The following PCDHGC3 variants were observed in gnomAD, a reference collection of about 807,000 sequenced individuals.
PCDHGC3 encodes protocadherin gamma-C3.
A neutral mutation model predicts 59.2 loss-of-function variants in PCDHGC3; 26 were observed. That is an observed-to-expected ratio of 0.44 (90% CI 0.32 to 0.61). PCDHGC3 has a LOEUF of 0.61. Among genes scored for constraint, PCDHGC3 ranks in the 20% least tolerant of loss-of-function variants. The pLI, the probability that PCDHGC3 is intolerant of heterozygous loss-of-function variation, is 0.05. For synonymous variants in PCDHGC3, 487 were observed against 519.7 expected (o/e 0.94, Z 0.86); for missense variants, 1,080 against 1,221.8 (o/e 0.88, Z 1.73).
rs2099746025 is a variant in PCDHGC3 at position 141,493,066 on chromosome 5, T to C, written c.2431-1741T>C. On this transcript the variant is annotated intron_variant, in intron 1 of 3. Coordinates refer to ENST00000308177, the MANE Select transcript of PCDHGC3 (RefSeq NM_002588.4). This position sits in a 1 kb window ranked among gnomAD's most constrained non-coding sequence, Gnocchi z 4.3. ...AACTACAATAGTAAAAAACACAAGT[T>C]TCTCCAACTCCAGGAGCTTTTATTC... Among the ~76,000 whole-genome samples the C allele has an allele frequency of 6.6e-6, 1 of 152,202 alleles. No homozygotes were observed. Among genetic ancestry groups the C allele is most frequent in the East Asian group, 1.9e-4 (1 of 5,194 alleles).
In PCDHGC3 at chr5:141,485,318, G is replaced by A. The variant is rs1318256454; in HGVS notation, c.2430+6772G>A. On this transcript the variant is annotated intron_variant, in intron 1 of 3. Transcript: ENST00000308177. The surrounding 1 kb of genome is among the most constrained non-coding windows in gnomAD (Gnocchi z 5.7). ...GGAAGGGACTTTTGTAGGGAATGTC[G>A]CTCAAGATTTCCTGCTGGATACGGA... 3 of 1,614,142 alleles carry A rather than the reference G, an allele frequency of 1.9e-6. No homozygotes were observed. The highest frequency in any genetic ancestry group is 2.5e-6 in the Non-Finnish European group (3 of 1,180,006).
intron 1 of PCDHGC3, among the ~76,000 whole-genome samples, chr5:141,492,949 A>G (rs1470301496): frequency 6.6e-6 from 1 of 152,226 alleles, no homozygotes; most frequent in African/African-American, 2.4e-5. Flanking sequence ...GGAGGTGACC[A>G]AACTATCTGA....
chr5:141,494,924 TGGGAGGAGATGGGGGAG>T, intron 2 of PCDHGC3, 59 bp downstream of exon 2: 1 of 1,613,498 alleles, frequency 6.2e-7, no homozygotes, highest in Admixed American at 1.7e-5. Flanking sequence ...AGGGATGACG[TGGGAGGAGATGGGGGAG>T]GGCCCAGCAT....
rs753473913 is a variant in PCDHGC3 at position 141,503,323 on chromosome 5, G to A, written c.2490-2070G>A. On this transcript the variant is annotated intron_variant, in intron 2 of 3. Transcript: ENST00000308177. The stretch of plus-strand genomic sequence containing the variant: ...CTCAAGAAAGAATTGTTGGAGGGGC[G>A]CGGTGGCTCACGCCTGTAATTCCAG... Among the ~76,000 whole-genome samples the A allele has an allele frequency of 2.0e-5, 3 of 152,214 alleles. No individual in the cohort carries two copies. In the Middle Eastern group the frequency reaches 0.01, roughly 518 times the overall value.
chr5:141,483,661 T>TGTGTGA (rs1357903548), intron 1 of PCDHGC3, among the ~76,000 whole-genome samples: 7 of 152,042 alleles, frequency 4.6e-5, no homozygotes, highest in African/African-American at 1.7e-4. Context: ...TGTGTGTGTG[T>TGTGTGA]GTGTGTGTAA....
rs1236074950 is a variant in PCDHGC3 at position 141,489,119 on chromosome 5, C to G, written c.2431-5688C>G. On this transcript the variant is annotated intron_variant, in intron 1 of 3. Transcript: ENST00000308177. This position sits in a 1 kb window ranked among gnomAD's most constrained non-coding sequence, Gnocchi z 4.5. ...GAACTGCTGCAAGCAGGCAAACCTC[C>G]GAGCAGTTTTTAAGAGGCTGGAAGG... The G allele has an allele frequency of 1.5e-6, 1 of 650,358 alleles. No individual in the cohort carries two copies. Among genetic ancestry groups the G allele is most frequent in the Non-Finnish European group, 2.5e-6 (1 of 400,690 alleles). The allele number at this position is 650,358 out of a possible 1,614,324, so 40.3% of individuals were successfully genotyped here. A position where few individuals can be genotyped will look rare whatever the true frequency, so the allele number is the denominator to read the frequency against.
intron 1 of PCDHGC3, among the ~76,000 whole-genome samples, chr5:141,481,655 T>A (rs933683728): frequency 1.3e-5 from 2 of 152,054 alleles, no homozygotes; most frequent in African/African-American, 4.8e-5. Flanking sequence ...TCATCTCTAC[T>A]AATAATACAA....
chr5:141,488,210 A>G (rs2099673009), intron 1 of PCDHGC3, among the ~76,000 whole-genome samples: 1 of 152,192 alleles, frequency 6.6e-6, no homozygotes, highest in Admixed American at 6.5e-5. Context: ...ACTCATATCA[A>G]GTCCCTACTG....
chr5:141,491,199 C>T lies in PCDHGC3; in HGVS notation c.2431-3608C>T. ...TGGTCCTGGTGAGGGACAATGGTGA[C>T]CCTTCACTCTCCTCCACAGCCACAG... On this transcript the variant is annotated intron_variant, in intron 1 of 3. Coordinates refer to ENST00000308177, the MANE Select transcript of PCDHGC3 (RefSeq NM_002588.4). The surrounding 1 kb of genome is among the most constrained non-coding windows in gnomAD (Gnocchi z 6.9). 1 of 1,614,190 alleles carries T rather than the reference C, an allele frequency of 6.2e-7. No homozygotes were observed. Among genetic ancestry groups the T allele is most frequent in the South Asian group, 1.1e-5 (1 of 91,086 alleles).
chr5:141,507,525 A>T (rs1053801558), intron 3 of PCDHGC3, among the ~76,000 whole-genome samples: 1 of 152,000 alleles, frequency 6.6e-6, no homozygotes, highest in Non-Finnish European at 1.5e-5. Context: ...ATGATTCCAG[A>T]GAGGCCAGAG....
chr5:141,487,616 G>A lies in PCDHGC3; in HGVS notation c.2431-7191G>A. On this transcript the variant is annotated intron_variant, in intron 1 of 3. Transcript: ENST00000308177. This position sits in a 1 kb window ranked among gnomAD's most constrained non-coding sequence, Gnocchi z 5.0. ...CTCTGATCTTCTCTATGGGCTAGAG[G>A]TGAGACCTTTGCAGGCTCAACAAAT... 2 of 1,614,220 alleles carry A rather than the reference G, an allele frequency of 1.2e-6. No homozygotes were observed. The highest frequency in any genetic ancestry group is 1.7e-6 in the Non-Finnish European group (2 of 1,180,044).
chr5:141,495,449 GCT>G (rs560850951), intron 2 of PCDHGC3, among the ~76,000 whole-genome samples: 3 of 152,194 alleles, frequency 2.0e-5, no homozygotes, highest in Non-Finnish European at 2.9e-5. Flanking sequence ...TACTTGTCCT[GCT>G]CTCTGTCTGT....
rs760575047 is a variant in PCDHGC3 at position 141,493,887 on chromosome 5, G to A, written c.2431-920G>A. Among the ~76,000 whole-genome samples the A allele has an allele frequency of 1.3e-5, 2 of 152,184 alleles. No individual in the cohort carries two copies. The highest frequency in any genetic ancestry group is 2.4e-5 in the African/African-American group (1 of 41,448). On this transcript the variant is annotated intron_variant, in intron 1 of 3. Coordinates refer to ENST00000308177, the MANE Select transcript of PCDHGC3 (RefSeq NM_002588.4). The surrounding 1 kb of genome is among the most constrained non-coding windows in gnomAD (Gnocchi z 4.3). Reference sequence around the variant, plus strand: ...AGAACCAGTGAGGAGGTGGCTCTAGGAGTGCTCCATGAGAGTGTGTGATGG... The same window carrying A: ...AGAACCAGTGAGGAGGTGGCTCTAGAAGTGCTCCATGAGAGTGTGTGATGG...
Position 141,485,844 on chromosome 5 carries a change from G to T in PCDHGC3, c.2430+7298G>T. On this transcript the variant is annotated intron_variant, in intron 1 of 3. Transcript: ENST00000308177. This position sits in a 1 kb window ranked among gnomAD's most constrained non-coding sequence, Gnocchi z 5.7. ...GATGGAGGGAACCCGCCGAGATCTG[G>T]CACCGCAGAGCTCCGGGTATCCGTG... The T allele has an allele frequency of 1.9e-6, 3 of 1,613,890 alleles. 1 individual carries two copies. The South Asian group carries it at 3.3e-5, about 18-fold the overall frequency.
chr5:141,476,142 G>T lies in PCDHGC3; in HGVS notation c.26G>T (p.Gly9Val). 6.2e-7 allele frequency: 1 copy of T among 1,610,446 alleles called. No individual in the cohort carries two copies. Among genetic ancestry groups the T allele is most frequent in the South Asian group, 1.1e-5 (1 of 90,868 alleles). The change falls in exon 1 of 4, where the codon GGA (glycine) becomes GTA (valine). Residue 9 changes from glycine (G) to valine (V), a missense_variant. By Grantham distance (109) the Gly-to-Val change is moderately radical. Coordinates refer to ENST00000308177, the MANE Select transcript of PCDHGC3 (RefSeq NM_002588.4). The surrounding 1 kb of genome is among the most constrained non-coding windows in gnomAD (Gnocchi z 7.6). Reference sequence around the variant, plus strand: ...ATGGTCCCAGAGGCCTGGAGGAGCGGACTGGTAAGCACCGGGAGGGTAGTG... The same window carrying T: ...ATGGTCCCAGAGGCCTGGAGGAGCGTACTGGTAAGCACCGGGAGGGTAGTG... Reference protein sequence around the residue: MVPEAWRSGLVSTGRVVGV... With the variant: MVPEAWRSVLVSTGRVVGV...
In PCDHGC3 at chr5:141,485,219, A is replaced by C. The variant is rs954128321; in HGVS notation, c.2430+6673A>C. 20 of 1,613,930 alleles carry C rather than the reference A, an allele frequency of 1.2e-5. No individual in the cohort carries two copies. The highest frequency in any genetic ancestry group is 1.6e-5 in the Non-Finnish European group (19 of 1,179,944). On this transcript the variant is annotated intron_variant, in intron 1 of 3. Coordinates refer to ENST00000308177, the MANE Select transcript of PCDHGC3 (RefSeq NM_002588.4). The surrounding 1 kb of genome is among the most constrained non-coding windows in gnomAD (Gnocchi z 5.7). The stretch of plus-strand genomic sequence containing the variant: ...CTGGACAGAAATCTGGCGGTGGGCT[A>C]CCCTTTTGTTCCTCTTTTACCACCT...
At position 141,491,823 on chromosome 5, in the gene PCDHGC3, C is replaced by G; in HGVS notation, c.2431-2984C>G. Reference sequence around the variant, plus strand: ...GCCGGCTTGGTCGCTGGCTGCGCTCCACCCGATTCTCGGGATCATTGGACC... The same window carrying G: ...GCCGGCTTGGTCGCTGGCTGCGCTCGACCCGATTCTCGGGATCATTGGACC... On this transcript the variant is annotated intron_variant, in intron 1 of 3. Transcript: ENST00000308177. The surrounding 1 kb of genome is among the most constrained non-coding windows in gnomAD (Gnocchi z 6.9). The G allele has an allele frequency of 6.8e-7, 1 of 1,479,156 alleles. No individual in the cohort carries two copies. Among genetic ancestry groups the G allele is most frequent in the Non-Finnish European group, 9.0e-7 (1 of 1,115,292 alleles). 91.6% of individuals were successfully genotyped at this position (1,479,156 alleles called of 1,614,324 possible). A position where few individuals can be genotyped will look rare whatever the true frequency, so the allele number is the denominator to read the frequency against.
chr5:141,476,055 GT>G lies in PCDHGC3; in HGVS notation c.-59del. 6.7e-7 allele frequency: 1 copy of G among 1,503,516 alleles called. No homozygotes were observed. Among genetic ancestry groups the G allele is most frequent in the South Asian group, 1.3e-5 (1 of 75,386 alleles). The allele number at this position is 1,503,516 out of a possible 1,614,324, so 93.1% of individuals were successfully genotyped here. ...GCGCCCAAGCGCTAACCCGCTGAAA[GT>G]TTCTCAGCGAAATCTCAGGGACGAT... On this transcript the variant is annotated 5_prime_UTR_variant, in exon 1 of 4. Transcript: ENST00000308177. The surrounding 1 kb of genome is among the most constrained non-coding windows in gnomAD (Gnocchi z 7.6).
At chr5:141,482,901 A>G (rs192886570) in intron 1 of PCDHGC3, among the ~76,000 whole-genome samples, 1 of 152,122 alleles carries the variant, frequency 6.6e-6, no homozygotes, top group Admixed American at 6.6e-5. Context: ...GTGAAACCTC[A>G]TCTCTATTAA....
Sources: allele counts gnomAD v4.1 joint callset (sites outside exome capture counted in the v4.1 genomes callset), GRCh38; gene constraint gnomAD v4.1.1; non-coding constraint Gnocchi (gnomAD v3.1); transcripts MANE v1.5; gene names NCBI Gene and HGNC (gene_info 2026-07-23, HGNC 2026-07-21).